The following PTPRD variants were observed in gnomAD, a reference collection of about 807,000 sequenced individuals.
PTPRD encodes the protein protein tyrosine phosphatase receptor type D, also known as receptor-type tyrosine-protein phosphatase delta.
Under a neutral mutation model 214.5 loss-of-function variants are expected in PTPRD, and 34 were observed. That is an observed-to-expected ratio of 0.16 (90% CI 0.12 to 0.21). The LOEUF (loss-of-function observed/expected upper bound fraction) is 0.21. PTPRD is among the 10% of genes least tolerant of loss of function. The pLI is 1.00. For missense variants in PTPRD, 2,545 were observed against 2,398.7 expected (o/e 1.06, Z -1.27); for synonymous variants, 1,128 against 845.7 (o/e 1.33, Z -5.79).
chr9:8,404,332 T>C (rs541808582), intron 36 of PTPRD, among the ~76,000 whole-genome samples: 244 of 152,198 alleles, frequency 1.6e-3, no homozygotes, highest in African/African-American at 5.7e-3. Flanking sequence ...TTTCAGCATG[T>C]TGGCCAGGCT....
At chr9:9,114,121 T>C (rs1023790154) in intron 10 of PTPRD, among the ~76,000 whole-genome samples, 1 of 152,142 alleles carries the variant, frequency 6.6e-6, no homozygotes, top group African/African-American at 2.4e-5. Context: ...ACAGAAAAAC[T>C]ATCATTTAAA....
chr9:8,320,396 A>G (rs996671960), intron 44 of PTPRD, among the ~76,000 whole-genome samples: 1 of 152,134 alleles, frequency 6.6e-6, no homozygotes, highest in Non-Finnish European at 1.5e-5. Context: ...CACACTGTTC[A>G]CATTTTGCAG....
intron 7 of PTPRD, among the ~76,000 whole-genome samples, chr9:9,578,499 T>C (rs568916626): frequency 2.4e-4 from 36 of 152,114 alleles, no homozygotes; most frequent in Admixed American, 1.0e-3. Context: ...GGAGAGGAAA[T>C]TGAATAAAAA....
At chr9:9,338,615 C>T (rs954116338) in intron 9 of PTPRD, among the ~76,000 whole-genome samples, 3 of 152,092 alleles carry the variant, frequency 2.0e-5, no homozygotes, top group African/African-American at 7.2e-5. Flanking sequence ...TTTCCAAGCT[C>T]TTCAGCATTT....
chr9:9,772,888 C>T (rs1331125064), intron 5 of PTPRD, among the ~76,000 whole-genome samples: 1 of 152,148 alleles, frequency 6.6e-6, no homozygotes, highest in African/African-American at 2.4e-5. Flanking sequence ...CAAAACGACA[C>T]ATTCACGTAT....
chr9:9,374,262 C>T (rs535042747), intron 9 of PTPRD, among the ~76,000 whole-genome samples: 116 of 152,004 alleles, frequency 7.6e-4, no homozygotes, highest in African/African-American at 2.7e-3. Context: ...AATAAATAAA[C>T]TGTTACTTTT....
chr9:10,422,133 C>T (rs927945916), intron 2 of PTPRD, among the ~76,000 whole-genome samples: 32 of 151,916 alleles, frequency 2.1e-4, no homozygotes, highest in African/African-American at 7.0e-4. Context: ...TGGAACAGAA[C>T]AGAGGCCTCA....
chr9:9,475,397 G>A (rs1185708676), intron 8 of PTPRD, among the ~76,000 whole-genome samples: 2 of 152,128 alleles, frequency 1.3e-5, no homozygotes, highest in African/African-American at 4.8e-5. Flanking sequence ...CAGCTGTTAT[G>A]GAAGATTTTG....
At chr9:9,062,677 G>C (rs1410476528) in intron 10 of PTPRD, among the ~76,000 whole-genome samples, 1 of 152,058 alleles carries the variant, frequency 6.6e-6, no homozygotes, top group Admixed American at 6.6e-5. Flanking sequence ...GTTTCAGTGG[G>C]TAAATAATTA....
At chr9:9,697,322 T>C (rs974701379) in intron 7 of PTPRD, among the ~76,000 whole-genome samples, 9 of 152,142 alleles carry the variant, frequency 5.9e-5, no homozygotes, top group Non-Finnish European at 1.2e-4. Context: ...TTATTTTTTC[T>C]TTCAGATTGA....
At chr9:10,102,779 A>C (rs1293936468) in intron 3 of PTPRD, among the ~76,000 whole-genome samples, 1 of 151,660 alleles carries the variant, frequency 6.6e-6, no homozygotes, top group Non-Finnish European at 1.5e-5. Context: ...TCTATTTCAT[A>C]AAAAGGGTTT....
intron 10 of PTPRD, among the ~76,000 whole-genome samples, chr9:9,170,654 C>T (rs2099912721): frequency 6.6e-6 from 1 of 152,146 alleles, no homozygotes; most frequent in East Asian, 1.9e-4. Flanking sequence ...TGTTTCTCTG[C>T]TGTGGTTAAG....
chr9:8,607,292 C>T (rs2095263448), intron 14 of PTPRD, among the ~76,000 whole-genome samples: 1 of 152,132 alleles, frequency 6.6e-6, no homozygotes. Flanking sequence ...TAAGTATCTA[C>T]AATTTTGTCT....
At chr9:9,312,521 G>C (rs1177262331) in intron 9 of PTPRD, among the ~76,000 whole-genome samples, 2 of 152,118 alleles carry the variant, frequency 1.3e-5, no homozygotes, top group Admixed American at 1.3e-4. Flanking sequence ...ATGTCTGCGT[G>C]GGTTTTCTCT....
intron 37 of PTPRD, among the ~76,000 whole-genome samples, chr9:8,388,726 G>C (rs192712905): frequency 2.6e-5 from 4 of 152,104 alleles, no homozygotes; most frequent in African/African-American, 9.7e-5. Flanking sequence ...TTTCTCAGCC[G>C]TGTATTCAGC....
intron 12 of PTPRD, among the ~76,000 whole-genome samples, chr9:8,688,176 T>C (rs561399710): frequency 1.3e-5 from 2 of 152,224 alleles, no homozygotes; most frequent in African/African-American, 4.8e-5. Context: ...GTATTTTTAT[T>C]TTTCCTTCTT....
chr9:8,906,632 A>G (rs774723730), intron 11 of PTPRD, among the ~76,000 whole-genome samples: 2 of 152,170 alleles, frequency 1.3e-5, no homozygotes, highest in Admixed American at 1.3e-4. Flanking sequence ...AATTCCACTA[A>G]TAGTGGGAAT....
intron 9 of PTPRD, among the ~76,000 whole-genome samples, chr9:9,275,890 C>T (rs1945435697): frequency 6.6e-6 from 1 of 150,634 alleles, no homozygotes; most frequent in Non-Finnish European, 1.5e-5. Flanking sequence ...TTCTACTATA[C>T]TAGAATGTCC....
rs147607203 is a variant in PTPRD, at chr9:9,263,786, C to A, written c.-202-80423G>T. 2.5e-3 allele frequency among the ~76,000 whole-genome samples: 373 copies of A among 151,766 alleles called. 1 individual carries two copies. Among genetic ancestry groups the A allele is most frequent in the African/African-American group, 8.6e-3 (357 of 41,470 alleles). On this transcript the variant is annotated intron_variant, in intron 9 of 45. Coordinates refer to ENST00000381196, the MANE Select transcript of PTPRD (RefSeq NM_002839.4). ...TAGGCATAAACATGGGAACAATACA[C>A]ACCACAGACACTTGAGTAGGGAGGG...
Sources: allele counts gnomAD v4.1 joint callset (sites outside exome capture counted in the v4.1 genomes callset), GRCh38; gene constraint gnomAD v4.1.1; transcripts MANE v1.5; gene names NCBI Gene and HGNC (gene_info 2026-07-23, HGNC 2026-07-21).